Variants in ACP3 observed in about 807,000 individuals in gnomAD.
ACP3 encodes the protein prostatic acid phosphatase.
Under a neutral mutation model 45.6 loss-of-function variants are expected in ACP3, and 38 were observed. That is an observed-to-expected ratio of 0.83 (90% CI 0.64 to 1.09). ACP3 has a LOEUF of 1.09. ACP3 is among the 50% of genes least tolerant of loss of function. The pLI is 0.00. For synonymous variants in ACP3, 162 were observed against 164.7 expected, an observed-to-expected ratio of 0.98 and a Z score of 0.13; for missense variants, 466 against 463.2, an observed-to-expected ratio of 1.01 and a Z score of -0.05.
At chr3:132,334,380 A>G (rs1937455372) in intron 4 of ACP3, among the ~76,000 whole-genome samples, 3 of 152,244 alleles carry the variant, frequency 2.0e-5, no homozygotes, top group African/African-American at 7.2e-5. Context: ...CCTAGCATTT[A>G]GCTGTGCTGA....
chr3:132,330,598 C>T (rs547111224), intron 2 of ACP3, among the ~76,000 whole-genome samples: 5 of 152,244 alleles, frequency 3.3e-5, no homozygotes, highest in Non-Finnish European at 5.9e-5. Flanking sequence ...CCTGCTTCTC[C>T]GCTACTCAGG....
intron 8 of ACP3, among the ~76,000 whole-genome samples, chr3:132,352,312 C>T (rs1937761786): frequency 6.6e-6 from 1 of 151,942 alleles, no homozygotes; most frequent in Admixed American, 6.6e-5. Flanking sequence ...ATTCTCCTGC[C>T]TCAGCCTCCC....
At chr3:132,339,009 C>G (rs1230835644) in intron 5 of ACP3, among the ~76,000 whole-genome samples, 1 of 152,056 alleles carries the variant, frequency 6.6e-6, no homozygotes, top group East Asian at 1.9e-4. Context: ...GGTTATTTTT[C>G]CTGACCCTTT....
intron 9 of ACP3, among the ~76,000 whole-genome samples, chr3:132,355,034 C>T (rs1309913409): frequency 1.3e-5 from 2 of 152,186 alleles, no homozygotes; most frequent in Non-Finnish European, 2.9e-5. Flanking sequence ...TCTAACAGTA[C>T]AATGCAGGTG....
intron 1 of ACP3, among the ~76,000 whole-genome samples, chr3:132,324,147 G>A (rs1937254836): frequency 6.6e-6 from 1 of 151,620 alleles, no homozygotes. Context: ...GAACCTGGGA[G>A]GCAGAGGTTG....
chr3:132,344,445 GA>G (rs1217582913), intron 6 of ACP3, among the ~76,000 whole-genome samples: 93 of 136,366 alleles, frequency 6.8e-4, no homozygotes, highest in Middle Eastern at 3.8e-3. Context: ...CAATGTCTCT[GA>G]AAAAAAAAAA....
intron 4 of ACP3, chr3:132,333,456 G>C (rs377264967): frequency 3.3e-5 from 5 of 152,612 alleles, no homozygotes; most frequent in South Asian, 4.1e-4. Flanking sequence ...AGCTTAGCCT[G>C]ACTGCTGGAC....
At chr3:132,354,225 T>C (rs1272012314) in intron 9 of ACP3, among the ~76,000 whole-genome samples, 1 of 151,980 alleles carries the variant, frequency 6.6e-6, no homozygotes, top group African/African-American at 2.4e-5. Context: ...GCAGGCACCA[T>C]CTCCTTTGGG....
At chr3:132,344,883 C>T in intron 6 of ACP3, 44 bp from the exon 7 acceptor site, 12 of 1,602,996 alleles carry the variant, frequency 7.5e-6, no homozygotes, top group Non-Finnish European at 8.5e-6. Flanking sequence ...AGAGGACAGT[C>T]ATATAAATAC....
rs1937511559 is a variant in ACP3, at chr3:132,337,520, CA to C, written c.522del (p.Glu175ArgfsTer14). ...FQELESETLK[S>X]EEFQKRLHPY... Reference sequence around the variant, plus strand: ...GAACTTGAGAGTGAGACTTTGAAATCAGAGGAATTCCAGAAGAGGCTGCACC... The same window carrying C: ...GAACTTGAGAGTGAGACTTTGAAATCGAGGAATTCCAGAAGAGGCTGCACC... On this transcript the variant is annotated frameshift_variant, in exon 5 of 10. Coordinates refer to ENST00000336375, the MANE Select transcript of ACP3 (RefSeq NM_001099.5). LOFTEE classifies it high-confidence loss of function. 9 of 1,610,576 alleles carry C rather than the reference CA, an allele frequency of 5.6e-6. No individual in the cohort carries two copies. Among genetic ancestry groups the C allele is most frequent in the Non-Finnish European group, 7.6e-6 (9 of 1,177,288 alleles).
At chr3:132,349,777 A>G (rs1937677228) in intron 7 of ACP3, 143 bp from the exon 8 acceptor site, 2 of 628,682 alleles carry the variant, frequency 3.2e-6, no homozygotes, top group Non-Finnish European at 5.7e-6. Context: ...AGCACAGAGC[A>G]GATGCTCAAT....
Position 132,352,799 on chromosome 3 carries a change from T to C in ACP3, c.944T>C (p.Leu315Ser), listed in dbSNP as rs769299403. 2 of 1,612,816 alleles carry C rather than the reference T, an allele frequency of 1.2e-6. No homozygotes were observed. The highest frequency in any genetic ancestry group is 1.7e-6 in the Non-Finnish European group (2 of 1,178,808). The change falls in exon 9 of 10, where the codon TTG (leucine) becomes TCG (serine). Residue 315 changes from leucine (L) to serine (S), a missense_variant. Physicochemically the swap from Leu to Ser is moderately radical, Grantham distance 145. Coordinates refer to ENST00000336375, the MANE Select transcript of ACP3 (RefSeq NM_001099.5). ...GLLPPYASCH[L>S]TELYFEKGEY... is the part of the protein sequence containing the mutation. ...CTTCCTCCCTATGCTTCTTGCCACT[T>C]GACGGAATTGTACTTTGAGAAGGGG...
At chr3:132,346,978 T>A (rs73001193) in intron 7 of ACP3, among the ~76,000 whole-genome samples, 2,188 of 152,338 alleles carry the variant, frequency 0.014, 54 homozygotes, top group African/African-American at 0.049. Context: ...GGGATGTGTA[T>A]GTATGAATAA....
intron 9 of ACP3, among the ~76,000 whole-genome samples, chr3:132,354,823 T>G (rs1937842172): frequency 6.6e-6 from 1 of 152,236 alleles, no homozygotes; most frequent in Admixed American, 6.5e-5. Flanking sequence ...TTGCTTTGTT[T>G]CACTTTTACA....
chr3:132,353,870 C>A (rs890921565), intron 9 of ACP3, among the ~76,000 whole-genome samples: 1 of 152,224 alleles, frequency 6.6e-6, no homozygotes, highest in Non-Finnish European at 1.5e-5. Context: ...AGCACAGAGA[C>A]TTCATTCTCA....
In ACP3 at chr3:132,357,188, C is replaced by T. The variant is rs971992856; in HGVS notation, c.*310C>T. 1 of 1,032,948 alleles carries T rather than the reference C, an allele frequency of 9.7e-7. No individual in the cohort carries two copies. 64.0% of individuals were successfully genotyped at this position (1,032,948 alleles called of 1,614,324 possible). A position where few individuals can be genotyped will look rare whatever the true frequency, so the allele number is the denominator to read the frequency against. On this transcript the variant is annotated 3_prime_UTR_variant, in exon 10 of 10. Coordinates refer to ENST00000336375, the MANE Select transcript of ACP3 (RefSeq NM_001099.5). ...GAGTTCCCATGAACTATATGACTGGCCACACAGGATCTTTTGTATTTAAGG... is the reference window on the plus strand; with the variant it reads ...GAGTTCCCATGAACTATATGACTGGTCACACAGGATCTTTTGTATTTAAGG...
chr3:132,328,339 C>T lies in ACP3; in HGVS notation c.193C>T (p.Gln65Ter), dbSNP rs1485596189. ...CCCCATAAAGGAATCCTCATGGCCA[C>T]AAGGATTTGGCCAACTCACCCAGGT... ...TDPIKESSWP[Q>*]GFGQLTQLGM... The change falls in exon 2 of 10, where the codon CAA becomes TAA. Residue 65 changes from glutamine to a stop codon, truncating the protein, a stop_gained. Coordinates refer to ENST00000336375, the MANE Select transcript of ACP3 (RefSeq NM_001099.5). LOFTEE classifies it high-confidence loss of function. 6.2e-7 allele frequency: 1 copy of T among 1,613,780 alleles called. No individual in the cohort carries two copies. The highest frequency in any genetic ancestry group is 8.5e-7 in the Non-Finnish European group (1 of 1,179,780).
At position 132,317,506 on chromosome 3, in the gene ACP3, GCTT is replaced by G; in HGVS notation, c.54_56del (p.Phe18del). On this transcript the variant is annotated inframe_deletion, in exon 1 of 10. Coordinates refer to ENST00000336375, the MANE Select transcript of ACP3 (RefSeq NM_001099.5). Reference sequence around the variant, plus strand: ...GCCAGGGCAGCAAGCCTTAGCCTTGGCTTCTTGTTTCTGCTTTTTTTCTGGCTA... The same window carrying G: ...GCCAGGGCAGCAAGCCTTAGCCTTGGCTTGTTTCTGCTTTTTTTCTGGCTA... The G allele has an allele frequency of 6.2e-7, 1 of 1,613,662 alleles. No individual in the cohort carries two copies. The highest frequency in any genetic ancestry group is 8.5e-7 in the Non-Finnish European group (1 of 1,179,790).
At position 132,332,197 on chromosome 3, in the gene ACP3, T is replaced by C. The variant is rs1219864391; in HGVS notation, c.309T>C (p.Tyr103=). The C allele has an allele frequency of 1.9e-6, 3 of 1,614,068 alleles. No individual in the cohort carries two copies. The highest frequency in any genetic ancestry group is 2.5e-6 in the Non-Finnish European group (3 of 1,180,018). ...LNESYKHEQV[Y]IRSTDVDRTL... Reference sequence around the variant, plus strand: ...CTTTGATTTTCCTACTCTAGGTTTATATTCGAAGCACAGACGTTGACCGGA... The same window carrying C: ...CTTTGATTTTCCTACTCTAGGTTTACATTCGAAGCACAGACGTTGACCGGA... The change falls in exon 4 of 10, where the codon TAT becomes TAC. Residue 103 remains tyrosine, a synonymous_variant. Coordinates refer to ENST00000336375, the MANE Select transcript of ACP3 (RefSeq NM_001099.5).
Sources: gnomAD v4.1 joint callset for allele counts (sites outside exome capture counted in the v4.1 genomes callset) on GRCh38, gnomAD v4.1.1 for gene constraint, MANE v1.5 for transcripts, NCBI Gene and HGNC (gene_info 2026-07-23, HGNC 2026-07-21) for gene names.